The following TMTC3 variants were observed in gnomAD, a reference collection of about 807,000 sequenced individuals.
TMTC3 encodes the protein transmembrane O-mannosyltransferase targeting cadherins 3.
Under a neutral mutation model 92.2 loss-of-function variants are expected in TMTC3, and 52 were observed. That is an observed-to-expected ratio of 0.56 (90% CI 0.45 to 0.71). The LOEUF (loss-of-function observed/expected upper bound fraction) is 0.71. TMTC3 is among the 30% of genes least tolerant of loss of function. The pLI is 0.00. For missense variants in TMTC3, 896 were observed against 1,057.1 expected, an observed-to-expected ratio of 0.85 and a Z score of 2.11; for synonymous variants, 339 against 363.3, an observed-to-expected ratio of 0.93 and a Z score of 0.76.
chr12:88,169,781 A>T (rs1024376498), intron 7 of TMTC3, among the ~76,000 whole-genome samples: 4 of 152,032 alleles, frequency 2.6e-5, no homozygotes, highest in African/African-American at 4.8e-5. Flanking sequence ...TCTAAAAAAA[A>T]TTTTTAAATT....
At chr12:88,159,655 C>T (rs2041052581) in intron 4 of TMTC3, among the ~76,000 whole-genome samples, 1 of 150,090 alleles carries the variant, frequency 6.7e-6, no homozygotes, top group African/African-American at 2.5e-5. Flanking sequence ...AGGGCCAGAC[C>T]CTGTCTTAAA....
At chr12:88,160,365 A>G (rs2041062267) in intron 5 of TMTC3, 136 bp downstream of exon 5, 1 of 580,456 alleles carries the variant, frequency 1.7e-6, no homozygotes, top group South Asian at 3.6e-5. Flanking sequence ...ACCAGAAATC[A>G]TGTTTTATCC....
intron 4 of TMTC3, among the ~76,000 whole-genome samples, chr12:88,155,713 G>C (rs1223630670): frequency 4.6e-5 from 7 of 152,140 alleles, no homozygotes; most frequent in Non-Finnish European, 8.8e-5. Context: ...AACTGAAATA[G>C]CTTTTCACCA....
chr12:88,158,435 G>A (rs980230998), intron 4 of TMTC3, among the ~76,000 whole-genome samples: 1 of 151,672 alleles, frequency 6.6e-6, no homozygotes, highest in African/African-American at 2.4e-5. Flanking sequence ...TAGCATTGTA[G>A]TGTAATATAA....
At chr12:88,170,190 T>C (rs2041189429) in intron 7 of TMTC3, among the ~76,000 whole-genome samples, 1 of 152,148 alleles carries the variant, frequency 6.6e-6, no homozygotes, top group Non-Finnish European at 1.5e-5. Context: ...ATTAGAGACA[T>C]TTCTTATCCC....
intron 1 of TMTC3, among the ~76,000 whole-genome samples, chr12:88,146,865 A>T (rs1015243264): frequency 2.7e-5 from 4 of 150,184 alleles, no homozygotes; most frequent in African/African-American, 9.7e-5. Context: ...ATAGTTGTGA[A>T]TCCAGAAACT....
chr12:88,171,991 T>C (rs2041210117), intron 7 of TMTC3, among the ~76,000 whole-genome samples: 1 of 152,102 alleles, frequency 6.6e-6, no homozygotes, highest in Non-Finnish European at 1.5e-5. Flanking sequence ...ATTGGCATGT[T>C]GTCTTCTGAG....
At chr12:88,171,790 G>A (rs1449498786) in intron 7 of TMTC3, among the ~76,000 whole-genome samples, 6 of 152,042 alleles carry the variant, frequency 3.9e-5, no homozygotes, top group Non-Finnish European at 8.8e-5. Flanking sequence ...CCTACTGTTT[G>A]CTTAATGGCA....
At chr12:88,160,967 A>C in intron 6 of TMTC3, 116 bp downstream of exon 6, 1 of 1,121,072 alleles carries the variant, frequency 8.9e-7, no homozygotes. Context: ...ATTAAGCTAT[A>C]ATTAACATTT....
rs1431303990 is a variant in TMTC3, at chr12:88,153,529, G to T, written c.408+20G>T. The T allele has an allele frequency of 3.4e-6, 5 of 1,468,116 alleles. No individual in the cohort carries two copies. Among genetic ancestry groups the T allele is most frequent in the Non-Finnish European group, 2.8e-6 (3 of 1,068,536 alleles). The allele number at this position is 1,468,116 out of a possible 1,614,324, so 90.9% of individuals were successfully genotyped here. A position where few individuals can be genotyped will look rare whatever the true frequency, so the allele number is the denominator to read the frequency against. On this transcript the variant is annotated intron_variant, in intron 3 of 13. Coordinates refer to ENST00000266712, the MANE Select transcript of TMTC3 (RefSeq NM_181783.4). ...GAAGCAGTAAGTAAAACTATGAACTGACTTTTTTTCTTTTTCCTTTTTTAC... is the reference window on the plus strand; with the variant it reads ...GAAGCAGTAAGTAAAACTATGAACTTACTTTTTTTCTTTTTCCTTTTTTAC...
chr12:88,148,240 C>A, intron 1 of TMTC3, 48 bp from the exon 2 acceptor site: 1 of 1,268,872 alleles, frequency 7.9e-7, no homozygotes, highest in Non-Finnish European at 1.1e-6. Context: ...ATTGAACTTA[C>A]TTGGAATAAA....
rs1161598021 is a variant in TMTC3 at position 88,195,338 on chromosome 12, A to T, written c.2434A>T (p.Asn812Tyr). ...TGAAGAATATATTCAGCGCCATTTGAATATAGTCAGGGATAAGATTTCCTC... is the reference window on the plus strand; with the variant it reads ...TGAAGAATATATTCAGCGCCATTTGTATATAGTCAGGGATAAGATTTCCTC... ...PHEEYIQRHL[N>Y]IVRDKISSSS... The change falls in exon 14 of 14, where the codon AAT (asparagine) becomes TAT (tyrosine). Residue 812 changes from asparagine to tyrosine, a missense_variant. Asn to Tyr is a moderately radical substitution (Grantham distance 143). Transcript: ENST00000266712. 6.2e-7 allele frequency: 1 copy of T among 1,613,860 alleles called. No homozygotes were observed. Among genetic ancestry groups the T allele is most frequent in the African/African-American group, 1.3e-5 (1 of 74,928 alleles).
At position 88,148,490 on chromosome 12, in the gene TMTC3, A is replaced by G. The variant is rs749844254; in HGVS notation, c.175A>G (p.Thr59Ala). 6.2e-7 allele frequency: 1 copy of G among 1,607,546 alleles called. No homozygotes were observed. Among genetic ancestry groups the G allele is most frequent in the Non-Finnish European group, 8.5e-7 (1 of 1,176,650 alleles). The change falls in exon 2 of 14, where the codon ACC becomes GCC. Residue 59 changes from threonine (T) to alanine (A), a missense_variant. Coordinates refer to ENST00000266712, the MANE Select transcript of TMTC3 (RefSeq NM_181783.4). ...KTLFQNDFWG[T>A]PMSEERSHKS... Reference sequence around the variant, plus strand: ...TTTATTTCAAAATGACTTCTGGGGAACCCCTATGTCTGAGGTAAGTAATTA... The same window carrying G: ...TTTATTTCAAAATGACTTCTGGGGAGCCCCTATGTCTGAGGTAAGTAATTA...
chr12:88,195,223 A>G lies in TMTC3; in HGVS notation c.2319A>G (p.Gly773=). Residue 773 remains glycine, a synonymous_variant, in exon 14 of 14, where the codon GGA becomes GGG. Coordinates refer to ENST00000266712, the MANE Select transcript of TMTC3 (RefSeq NM_181783.4). The part of the protein sequence containing the change: ...ILEMDPSNVQ[G]KHNLCVVYFE... ...AGATGGATCCAAGCAATGTGCAAGG[A>G]AAACACAATCTTTGTGTTGTTTATT... 6.2e-7 allele frequency: 1 copy of G among 1,613,930 alleles called. No homozygotes were observed. Among genetic ancestry groups the G allele is most frequent in the South Asian group, 1.1e-5 (1 of 91,084 alleles).
At chr12:88,162,743 TTTCTC>T in intron 6 of TMTC3, among the ~76,000 whole-genome samples, 1 of 152,292 alleles carries the variant, frequency 6.6e-6, no homozygotes, top group South Asian at 2.1e-4. Flanking sequence ...TTGAATAAAT[TTTCTC>T]TTCATTATAG....
At position 88,162,808 on chromosome 12, in the gene TMTC3, C is replaced by T. The variant is rs185616754; in HGVS notation, c.797+1957C>T. 2.5e-3 allele frequency among the ~76,000 whole-genome samples: 383 copies of T among 152,172 alleles called. 2 individuals carry two copies. The highest frequency in any genetic ancestry group is 8.4e-3 in the African/African-American group (347 of 41,536). ...TGTCGGGAAATTGTTGAACAGATACCATTTGTGAATTTTACCTTAATGTAT... is the reference window on the plus strand; with the variant it reads ...TGTCGGGAAATTGTTGAACAGATACTATTTGTGAATTTTACCTTAATGTAT... On this transcript the variant is annotated intron_variant, in intron 6 of 13. Transcript: ENST00000266712.
intron 10 of TMTC3, among the ~76,000 whole-genome samples, chr12:88,179,721 G>T (rs144330979): frequency 6.6e-6 from 1 of 152,104 alleles, no homozygotes; most frequent in African/African-American, 2.4e-5. Flanking sequence ...TGCAGCCCCC[G>T]TAAGCAGGCC....
intron 10 of TMTC3, among the ~76,000 whole-genome samples, chr12:88,182,872 C>T (rs1454892510): frequency 6.6e-6 from 1 of 152,182 alleles, no homozygotes; most frequent in Non-Finnish European, 1.5e-5. Context: ...AAATTTTTCT[C>T]TGTCCTGTTC....
chr12:88,175,652 A>G (rs1466138970), intron 9 of TMTC3, among the ~76,000 whole-genome samples: 1 of 152,142 alleles, frequency 6.6e-6, no homozygotes, highest in Non-Finnish European at 1.5e-5. Context: ...AATTTTGCTT[A>G]TACTCACTCC....
Sources: gnomAD v4.1 joint callset for allele counts (sites outside exome capture counted in the v4.1 genomes callset) on GRCh38, gnomAD v4.1.1 for gene constraint, MANE v1.5 for transcripts, NCBI Gene and HGNC (gene_info 2026-07-23, HGNC 2026-07-21) for gene names.